SNTG1: variants seen among roughly 807,000 people sequenced by gnomAD.
SNTG1 encodes the protein gamma-1-syntrophin.
SNTG1 carries 39 observed loss-of-function variants against 74.7 expected under a neutral mutation model. The ratio of observed to expected loss-of-function variants is 0.52; its 90% CI spans 0.40 to 0.68. SNTG1 has a LOEUF of 0.68. Ranked by LOEUF, SNTG1 falls within the 30% of genes least tolerant of loss-of-function variation. SNTG1 has a pLI of 0.00. For missense variants in SNTG1, 685 were observed against 609.5 expected (o/e 1.12, Z -1.30); for synonymous variants, 254 against 217.1 (o/e 1.17, Z -1.49).
At chr8:49,919,884 A>G (rs1806376828) in intron 1 of SNTG1, among the ~76,000 whole-genome samples, 1 of 152,088 alleles carries the variant, frequency 6.6e-6, no homozygotes, top group Admixed American at 6.5e-5. Flanking sequence ...CCGAAAGTAG[A>G]TTAATCTACT....
At chr8:49,990,147 C>G (rs1585793596) in intron 1 of SNTG1, among the ~76,000 whole-genome samples, 1 of 151,832 alleles carries the variant, frequency 6.6e-6, no homozygotes, top group African/African-American at 2.4e-5. Flanking sequence ...ACAACTGTCT[C>G]TATTTAGAAA....
rs979336973 is a variant in SNTG1, at chr8:50,793,318, A to G, written c.*489A>G. Reference sequence around the variant, plus strand: ...AGCAAGGAGCATGCAAAAAAATCTCATCAAAGAAGGATGCACTTTAATTTG... The same window carrying G: ...AGCAAGGAGCATGCAAAAAAATCTCGTCAAAGAAGGATGCACTTTAATTTG... On this transcript the variant is annotated 3_prime_UTR_variant, in exon 19 of 19. Transcript: ENST00000642720. The G allele has an allele frequency of 6.6e-6, 1 of 152,008 alleles. No homozygotes were observed. Among genetic ancestry groups the G allele is most frequent in the South Asian group, 2.1e-4 (1 of 4,838 alleles). The allele number at this position is 152,008 out of a possible 1,614,324, so 9.4% of individuals were successfully genotyped here.
chr8:50,401,685 A>G, intron 3 of SNTG1, among the ~76,000 whole-genome samples: 1 of 152,090 alleles, frequency 6.6e-6, no homozygotes, highest in East Asian at 1.9e-4. Flanking sequence ...GAATGCTGAC[A>G]TAGTGGAGTT....
intron 18 of SNTG1, among the ~76,000 whole-genome samples, chr8:50,782,661 T>C (rs927345769): frequency 5.9e-5 from 9 of 152,230 alleles, no homozygotes; most frequent in Admixed American, 2.6e-4. Context: ...TTTCCTCCTT[T>C]AGCTCAGAGT....
intron 15 of SNTG1, among the ~76,000 whole-genome samples, chr8:50,701,498 A>G (rs779139833): frequency 6.6e-6 from 1 of 151,598 alleles, no homozygotes; most frequent in Non-Finnish European, 1.5e-5. Flanking sequence ...TTGATATTCT[A>G]CTCGTTTTCA....
chr8:50,055,409 G>A (rs1819942288), intron 1 of SNTG1, among the ~76,000 whole-genome samples: 1 of 152,056 alleles, frequency 6.6e-6, no homozygotes, highest in Non-Finnish European at 1.5e-5. Context: ...GATTTGAAAG[G>A]TGTTTACCAG....
chr8:50,073,139 C>T (rs1427445726), intron 1 of SNTG1, among the ~76,000 whole-genome samples: 1 of 152,124 alleles, frequency 6.6e-6, no homozygotes, highest in Non-Finnish European at 1.5e-5. Flanking sequence ...TGTTTGATGG[C>T]ACTTTACCAT....
chr8:50,197,369 T>G (rs2083813821), intron 2 of SNTG1, among the ~76,000 whole-genome samples: 1 of 152,184 alleles, frequency 6.6e-6, no homozygotes, highest in South Asian at 2.1e-4. Flanking sequence ...TTGCATAGTT[T>G]ATTGTGCTCT....
intron 18 of SNTG1, among the ~76,000 whole-genome samples, chr8:50,781,033 C>G (rs1002733248): frequency 6.6e-6 from 1 of 152,146 alleles, no homozygotes; most frequent in Non-Finnish European, 1.5e-5. Context: ...TTTCTTAATC[C>G]TGAGTTCTAG....
At chr8:50,131,145 G>A (rs996351115) in intron 1 of SNTG1, among the ~76,000 whole-genome samples, 1 of 152,034 alleles carries the variant, frequency 6.6e-6, no homozygotes, top group African/African-American at 2.4e-5. Context: ...TTCAAATAAT[G>A]TAAAATATGT....
At chr8:50,217,212 A>T (rs528845091) in intron 2 of SNTG1, among the ~76,000 whole-genome samples, 1 of 152,220 alleles carries the variant, frequency 6.6e-6, no homozygotes, top group South Asian at 2.1e-4. Flanking sequence ...ATGAATGGTT[A>T]ATATACTGGT....
chr8:50,167,924 A>T (rs1016752426), intron 1 of SNTG1, among the ~76,000 whole-genome samples: 1 of 152,002 alleles, frequency 6.6e-6, no homozygotes, highest in African/African-American at 2.4e-5. Context: ...GCATATCATT[A>T]TGATTTTTTC....
intron 18 of SNTG1, among the ~76,000 whole-genome samples, chr8:50,783,821 T>G (rs1028119848): frequency 6.6e-6 from 1 of 152,216 alleles, no homozygotes; most frequent in Non-Finnish European, 1.5e-5. Flanking sequence ...ACTGGAGCTG[T>G]TCCTATTTGG....
chr8:50,519,185 C>A (rs1032467033), intron 9 of SNTG1, among the ~76,000 whole-genome samples: 2 of 152,172 alleles, frequency 1.3e-5, no homozygotes, highest in Non-Finnish European at 2.9e-5. Flanking sequence ...ATCACATAAA[C>A]AGAACCAATG....
chr8:50,062,291 C>A (rs1215401663), intron 1 of SNTG1, among the ~76,000 whole-genome samples: 1 of 152,144 alleles, frequency 6.6e-6, no homozygotes, highest in Admixed American at 6.5e-5. Context: ...AGGTGATATG[C>A]CTGCCTCGGC....
intron 4 of SNTG1, among the ~76,000 whole-genome samples, chr8:50,432,940 T>C (rs751095490): frequency 6.6e-6 from 1 of 151,714 alleles, no homozygotes; most frequent in Admixed American, 6.6e-5. Flanking sequence ...ACAGCGCACA[T>C]CTCCATGCTC....
chr8:50,752,064 A>G lies in SNTG1; in HGVS notation c.1348A>G (p.Ile450Val), dbSNP rs749695848. ...KGSSDDGKSK[I>V]KFLFQNPDTK... Reference sequence around the variant, plus strand: ...TTCTTCAGATGATGGCAAGAGCAAAATCAAATTTTTGTTTCAGAATCCAGA... The same window carrying G: ...TTCTTCAGATGATGGCAAGAGCAAAGTCAAATTTTTGTTTCAGAATCCAGA... The change falls in exon 18 of 19, where the codon ATC becomes GTC. Residue 450 changes from isoleucine to valine, a missense_variant. Physicochemically the swap from Ile to Val is conservative, Grantham distance 29. Coordinates refer to ENST00000642720, the MANE Select transcript of SNTG1 (RefSeq NM_018967.5). 5 of 1,567,792 alleles carry G rather than the reference A, an allele frequency of 3.2e-6. No individual in the cohort carries two copies. Among genetic ancestry groups the G allele is most frequent in the Non-Finnish European group, 2.6e-6 (3 of 1,161,012 alleles).
At chr8:50,350,240 C>G (rs541454325) in intron 2 of SNTG1, among the ~76,000 whole-genome samples, 8 of 152,106 alleles carry the variant, frequency 5.3e-5, no homozygotes, top group Non-Finnish European at 1.0e-4. Flanking sequence ...GCCTCCCTGA[C>G]GAGTGCCGCC....
chr8:50,076,136 T>G lies in SNTG1; in HGVS notation c.-102-96425T>G, dbSNP rs75651582. ...ATGAGGTAAACCTGTGGAAGCTTGA[T>G]GGATAGAGCCTTAGAAATTTTCCAT... On this transcript the variant is annotated intron_variant, in intron 1 of 18. Coordinates refer to ENST00000642720, the MANE Select transcript of SNTG1 (RefSeq NM_018967.5). 8.4e-3 allele frequency among the ~76,000 whole-genome samples: 1,277 copies of G among 152,314 alleles called. 26 individuals carry two copies. Among genetic ancestry groups the G allele is most frequent in the African/African-American group, 0.029 (1,206 of 41,564 alleles).
Sources: gnomAD v4.1 joint callset for allele counts (sites outside exome capture counted in the v4.1 genomes callset) on GRCh38, gnomAD v4.1.1 for gene constraint, MANE v1.5 for transcripts, NCBI Gene and HGNC (gene_info 2026-07-23, HGNC 2026-07-21) for gene names.